Variants in DOC2B observed in about 807,000 individuals in gnomAD.
DOC2B encodes double C2 domain beta.
DOC2B carries 21 observed loss-of-function variants against 28.9 expected under a neutral mutation model. The observed-to-expected ratio is 0.73, with a 90% CI of 0.52 to 1.05. DOC2B has a LOEUF of 1.05. Ranked by LOEUF, DOC2B falls within the 50% of genes least tolerant of loss-of-function variation. DOC2B has a pLI of 0.00. For synonymous variants in DOC2B, 194 were observed against 178.1 expected (o/e 1.09, Z -0.71); for missense variants, 384 against 421.1 (o/e 0.91, Z 0.77).
intron 3 of DOC2B, 95 bp from the exon 4 acceptor site, chr17:162,285 T>G: frequency 1.1e-6 from 1 of 920,538 alleles, no homozygotes; most frequent in Non-Finnish European, 1.7e-6. Context: ...TTGGAGCCTG[T>G]GAATGTGTTA....
intron 1 of DOC2B, among the ~76,000 whole-genome samples, chr17:180,346 C>G (rs887161950): frequency 6.6e-6 from 1 of 152,140 alleles, no homozygotes. Context: ...CCCGGGACTC[C>G]GGCGCTTGCC....
chr17:162,690 C>T (rs886076548), intron 3 of DOC2B, among the ~76,000 whole-genome samples: 12 of 152,228 alleles, frequency 7.9e-5, no homozygotes, highest in African/African-American at 2.7e-4. Flanking sequence ...CTTTAAGCCA[C>T]GAAGTTTGTG....
chr17:156,303 C>A lies in DOC2B; in HGVS notation c.840G>T (p.Lys280Asn). Residue 280 changes from lysine (K) to asparagine (N), a missense_variant, in exon 6 of 9, where the codon AAG becomes AAT. By Grantham distance (94) the Lys-to-Asn change is moderately conservative (BLOSUM62 0). Coordinates refer to ENST00000613549, the MANE Select transcript of DOC2B (RefSeq NM_003585.5). Reference protein sequence around the residue: ...ILISLKYSSQKQGLLVGIVRC... With the variant: ...ILISLKYSSQNQGLLVGIVRC... ...GCACGATGCCTACCAGCAGGCCTTG[C>A]TTCTGTGAGCTGTACTTGAGGGAGA... 6.4e-7 allele frequency: 1 copy of A among 1,551,650 alleles called. No homozygotes were observed. Among genetic ancestry groups the A allele is most frequent in the Non-Finnish European group, 8.7e-7 (1 of 1,146,994 alleles).
At chr17:165,657 G>A (rs1204930611) in intron 2 of DOC2B, among the ~76,000 whole-genome samples, 2 of 152,050 alleles carry the variant, frequency 1.3e-5, no homozygotes, top group African/African-American at 2.4e-5. Flanking sequence ...TCTGCTGGGT[G>A]CATCTGAGCT....
At chr17:177,737 G>A (rs955889414) in intron 1 of DOC2B, among the ~76,000 whole-genome samples, 1 of 152,262 alleles carries the variant, frequency 6.6e-6, no homozygotes, top group Non-Finnish European at 1.5e-5. Context: ...GTAACATCGA[G>A]TGCATTACAA....
intron 2 of DOC2B, among the ~76,000 whole-genome samples, chr17:171,913 C>T (rs2032297607): frequency 8.7e-6 from 1 of 114,526 alleles, no homozygotes; most frequent in East Asian, 2.7e-4. Flanking sequence ...CCGGGCCAGG[C>T]TGCAGAGGGG....
chr17:164,868 G>A (rs974309189), intron 2 of DOC2B, among the ~76,000 whole-genome samples: 4 of 152,228 alleles, frequency 2.6e-5, no homozygotes, highest in Non-Finnish European at 5.9e-5. Flanking sequence ...CTTCTGGGAT[G>A]GTGCACAGGG....
At position 161,541 on chromosome 17, in the gene DOC2B, C is replaced by G. The variant is rs1555523246; in HGVS notation, c.639G>C (p.Arg213=). The G allele has an allele frequency of 5.8e-6, 9 of 1,551,516 alleles. No homozygotes were observed. The South Asian group carries it at 5.9e-5, about 10-fold the overall frequency. Residue 213 remains arginine (R), a splice_region_variant and synonymous_variant, in exon 5 of 9, where the codon CGG becomes CGC. Coordinates refer to ENST00000613549, the MANE Select transcript of DOC2B (RefSeq NM_003585.5). ...TDEDMIRKTL[R]ISVCDEDKFR... ...ATTTGTCCTCGTCACACACAGAGAT[C>G]CTAGAGGGGGCGGTGGTGAGGGGCA... is the stretch of plus-strand genomic sequence containing the variant.
intron 5 of DOC2B, among the ~76,000 whole-genome samples, chr17:158,457 G>A (rs968270545): frequency 1.3e-5 from 2 of 152,176 alleles, no homozygotes; most frequent in African/African-American, 4.8e-5. Context: ...CTGGAGATGA[G>A]ACTCCTGTGA....
At chr17:159,059 A>C (rs2040169928) in intron 5 of DOC2B, among the ~76,000 whole-genome samples, 3 of 146,368 alleles carry the variant, frequency 2.0e-5, no homozygotes, top group South Asian at 4.4e-4. Context: ...AAAAAAAAAC[A>C]ACCAACCAGC....
At chr17:159,032 T>G (rs1443123251) in intron 5 of DOC2B, among the ~76,000 whole-genome samples, 1 of 109,038 alleles carries the variant, frequency 9.2e-6, no homozygotes, top group African/African-American at 3.6e-5. Context: ...CGACATAGAC[T>G]CCATCTCATA....
chr17:164,613 C>T (rs563988673), intron 2 of DOC2B, among the ~76,000 whole-genome samples: 5 of 152,228 alleles, frequency 3.3e-5, no homozygotes, highest in African/African-American at 9.6e-5. Flanking sequence ...CACATAACCC[C>T]GGGACACAGT....
In DOC2B at chr17:168,867, A is replaced by G. The variant is rs112254317; in HGVS notation, c.453+3670T>C. Among the ~76,000 whole-genome samples the G allele has an allele frequency of 9.2e-3, 1,403 of 152,352 alleles. 26 individuals carry two copies. Among genetic ancestry groups the G allele is most frequent in the African/African-American group, 0.032 (1,336 of 41,576 alleles). ...CTGTGAGGTCTTCTCAGCCACGTGTAACGGCAAGTCCAATAAACCTCTTTC... is the reference window on the plus strand; with the variant it reads ...CTGTGAGGTCTTCTCAGCCACGTGTGACGGCAAGTCCAATAAACCTCTTTC... On this transcript the variant is annotated intron_variant, in intron 2 of 8. Transcript: ENST00000613549.
At chr17:172,203 C>T (rs1218053190) in intron 2 of DOC2B, among the ~76,000 whole-genome samples, 1 of 152,048 alleles carries the variant, frequency 6.6e-6, no homozygotes, top group African/African-American at 2.4e-5. Flanking sequence ...CCAACCCGCC[C>T]TCCCTTGGCC....
intron 1 of DOC2B, among the ~76,000 whole-genome samples, chr17:178,108 C>T (rs1374370762): frequency 6.6e-6 from 1 of 152,222 alleles, no homozygotes; most frequent in East Asian, 1.9e-4. Flanking sequence ...ACATGTGATG[C>T]CTGGACCTGC....
chr17:166,344 C>T lies in DOC2B; in HGVS notation c.454-2140G>A, dbSNP rs1289682283. Among the ~76,000 whole-genome samples the T allele has an allele frequency of 7.9e-5, 12 of 152,262 alleles. 1 individual carries two copies. Among genetic ancestry groups the T allele is most frequent in the African/African-American group, 2.4e-4 (10 of 41,472 alleles). Reference sequence around the variant, plus strand: ...TCCCACGGAGCCTGACCTCTGTCCACGGAAGGGGAAGGTCGGGAGGCTGTT... The same window carrying T: ...TCCCACGGAGCCTGACCTCTGTCCATGGAAGGGGAAGGTCGGGAGGCTGTT... On this transcript the variant is annotated intron_variant, in intron 2 of 8. Transcript: ENST00000613549.
rs2040437973 is a variant in DOC2B, at chr17:181,173, C to T, written c.307G>A (p.Ala103Thr). 8.0e-7 allele frequency: 1 copy of T among 1,251,876 alleles called. No individual in the cohort carries two copies. Among genetic ancestry groups the T allele is most frequent in the Non-Finnish European group, 1.0e-6 (1 of 999,230 alleles). 77.5% of individuals were successfully genotyped at this position (1,251,876 alleles called of 1,614,324 possible). Residue 103 changes from alanine to threonine, a missense_variant, in exon 1 of 9, where the codon GCG becomes ACG. Physicochemically the swap from Ala to Thr is moderately conservative, Grantham distance 58. Coordinates refer to ENST00000613549, the MANE Select transcript of DOC2B (RefSeq NM_003585.5). The surrounding 1 kb of genome is among the most constrained non-coding windows in gnomAD (Gnocchi z 7.0). The part of the protein sequence containing the change: ...SPGPSPGPSP[A>T]RPPAKPPEDE... Reference sequence around the variant, plus strand: ...TCCGGCGGCTTGGCTGGCGGCCGCGCGGGGCTGGGACCCGGGCTGGGGCCC... The same window carrying T: ...TCCGGCGGCTTGGCTGGCGGCCGCGTGGGGCTGGGACCCGGGCTGGGGCCC...
intron 2 of DOC2B, among the ~76,000 whole-genome samples, chr17:169,338 C>T (rs950367076): frequency 2.0e-5 from 3 of 151,720 alleles, no homozygotes; most frequent in African/African-American, 4.8e-5. Context: ...ATGGCAGCCT[C>T]CCCAGGGGCC....
chr17:177,320 C>T (rs1214748163), intron 1 of DOC2B, among the ~76,000 whole-genome samples: 1 of 152,190 alleles, frequency 6.6e-6, no homozygotes, highest in African/African-American at 2.4e-5. Context: ...CTCAGTTCAA[C>T]CTCCTTGGTG....
Sources: allele counts gnomAD v4.1 joint callset (sites outside exome capture counted in the v4.1 genomes callset), GRCh38; gene constraint gnomAD v4.1.1; non-coding constraint Gnocchi (gnomAD v3.1); transcripts MANE v1.5; gene names NCBI Gene and HGNC (gene_info 2026-07-23, HGNC 2026-07-21).